The following ALPK2 variants were observed in gnomAD, a reference collection of about 807,000 sequenced individuals.
The protein encoded by ALPK2 is alpha-protein kinase 2.
Under a neutral mutation model 163.1 loss-of-function variants are expected in ALPK2, and 127 were observed. The ratio of observed to expected loss-of-function variants is 0.78; its 90% CI spans 0.67 to 0.90. The LOEUF (loss-of-function observed/expected upper bound fraction) is 0.90, where lower values mean the gene tolerates loss of function less well. Among genes scored for constraint, ALPK2 ranks in the 40% least tolerant of loss-of-function variants. The pLI is 0.00. For synonymous variants in ALPK2, 953 were observed against 959.1 expected, an observed-to-expected ratio of 0.99 and a Z score of 0.12; for missense variants, 2,360 against 2,589.6, an observed-to-expected ratio of 0.91 and a Z score of 1.92.
intron 4 of ALPK2, among the ~76,000 whole-genome samples, chr18:58,576,856 T>TC (rs1296044123): frequency 6.6e-6 from 1 of 152,224 alleles, no homozygotes; most frequent in African/African-American, 2.4e-5. Flanking sequence ...TTTCTGGTTA[T>TC]CCCTTGAGTG....
intron 10 of ALPK2, among the ~76,000 whole-genome samples, chr18:58,513,189 TGTG>T (rs1012937402): frequency 6.0e-5 from 9 of 150,528 alleles, no homozygotes; most frequent in African/African-American, 2.0e-4. Context: ...GTGTTTGTGT[TGTG>T]GGTGTGTTTA....
rs764301194 is a variant in ALPK2 at position 58,535,421 on chromosome 18, C to G, written c.4766G>C (p.Gly1589Ala). 6 of 1,614,044 alleles carry G rather than the reference C, an allele frequency of 3.7e-6. No homozygotes were observed. The African/African-American group carries it at 5.3e-5, about 14-fold the overall frequency. The stretch of plus-strand genomic sequence containing the variant: ...TTTCCCACGCTCATTCTCAATAGTT[C>G]CCCTTTTCTGTGAAACAGGAAACAC... ...QYVFPVSQKR[G>A]TIENERGKPL... Residue 1589 changes from glycine (G) to alanine (A), a missense_variant, in exon 5 of 13, where the codon GGA (glycine) becomes GCA (alanine). Transcript: ENST00000361673.
chr18:58,485,267 T>G (rs527378058), intron 12 of ALPK2, among the ~76,000 whole-genome samples: 6 of 152,198 alleles, frequency 3.9e-5, no homozygotes, highest in Non-Finnish European at 5.9e-5. Context: ...GCTGTTATGA[T>G]TCAAGAAATC....
At chr18:58,547,707 A>C (rs2051725132) in intron 4 of ALPK2, among the ~76,000 whole-genome samples, 1 of 152,186 alleles carries the variant, frequency 6.6e-6, no homozygotes, top group Admixed American at 6.5e-5. Flanking sequence ...TGTTTTACCC[A>C]CACAATGTTG....
intron 5 of ALPK2, among the ~76,000 whole-genome samples, chr18:58,529,629 G>A (rs1403835753): frequency 1.3e-5 from 2 of 152,220 alleles, no homozygotes; most frequent in East Asian, 3.8e-4. Flanking sequence ...GAATTAGGGA[G>A]TAGAATAAAA....
chr18:58,535,403 C>G lies in ALPK2; in HGVS notation c.4784G>C (p.Arg1595Pro), dbSNP rs138737333. The G allele has an allele frequency of 1.2e-6, 2 of 1,614,074 alleles. No homozygotes were observed. The highest frequency in any genetic ancestry group is 1.3e-5 in the African/African-American group (1 of 74,918). The change falls in exon 5 of 13, where the codon CGT becomes CCT. Residue 1595 changes from arginine to proline, a missense_variant. Arg to Pro is a moderately radical substitution (Grantham distance 103). Transcript: ENST00000361673. ...SQKRGTIENE[R>P]GKPLPSSPDL... ...AGGAGAAGAGGGCAAAGGTTTCCCACGCTCATTCTCAATAGTTCCCCTTTT... is the reference window on the plus strand; with the variant it reads ...AGGAGAAGAGGGCAAAGGTTTCCCAGGCTCATTCTCAATAGTTCCCCTTTT...
chr18:58,610,795 A>G lies in ALPK2; in HGVS notation c.109+894T>C, dbSNP rs1008001246. Among the ~76,000 whole-genome samples the G allele has an allele frequency of 7.9e-5, 12 of 151,442 alleles. No individual in the cohort carries two copies. The South Asian group carries it at 1.7e-3, about 21-fold the overall frequency. On this transcript the variant is annotated intron_variant, in intron 2 of 12. Transcript: ENST00000361673. ...CCCTCCCCCCGTCCCTATTAAAAAT[A>G]TAAAAATTAGCCAGGCGAGCCAGCC...
chr18:58,563,226 A>G (rs534219871), intron 4 of ALPK2, among the ~76,000 whole-genome samples: 24 of 152,332 alleles, frequency 1.6e-4, no homozygotes, highest in African/African-American at 5.8e-4. Context: ...CTAACTTTCA[A>G]TATCTGCTCA....
chr18:58,481,705 G>T lies in ALPK2; in HGVS notation c.*118C>A, dbSNP rs1380893129. 1 of 778,944 alleles carries T rather than the reference G, an allele frequency of 1.3e-6. No individual in the cohort carries two copies. Among genetic ancestry groups the T allele is most frequent in the Non-Finnish European group, 2.1e-6 (1 of 466,304 alleles). 48.3% of individuals were successfully genotyped at this position (778,944 alleles called of 1,614,324 possible). On this transcript the variant is annotated 3_prime_UTR_variant, in exon 13 of 13. Coordinates refer to ENST00000361673, the MANE Select transcript of ALPK2 (RefSeq NM_052947.4). ...GAAGCATCTTGGCGCACAGTCGGCT[G>T]GGAGTAAGGATTGCCACGCACTCTC...
At chr18:58,586,935 T>C (rs1399434228) in intron 3 of ALPK2, among the ~76,000 whole-genome samples, 1 of 151,974 alleles carries the variant, frequency 6.6e-6, no homozygotes, top group African/African-American at 2.4e-5. Flanking sequence ...GCCATGCACA[T>C]GCATAAGGCT....
At position 58,578,860 on chromosome 18, in the gene ALPK2, G is replaced by A. The variant is rs767763008; in HGVS notation, c.1916C>T (p.Thr639Ile). The A allele has an allele frequency of 2.1e-5, 34 of 1,613,932 alleles. No individual in the cohort carries two copies. Among genetic ancestry groups the A allele is most frequent in the African/African-American group, 4.0e-5 (3 of 74,834 alleles). Residue 639 changes from threonine to isoleucine, a missense_variant, in exon 4 of 13, where the codon ACT becomes ATT. Thr to Ile is a moderately conservative substitution (Grantham distance 89). Coordinates refer to ENST00000361673, the MANE Select transcript of ALPK2 (RefSeq NM_052947.4). ...NCKGEGMQVN[T>I]LFETSQVPDW... ...TGGAACCTGGCTTGTTTCAAATAGA[G>A]TATTAACTTGCATGCCTTCTCCCTT...
At chr18:58,598,579 G>T (rs1372445962) in intron 3 of ALPK2, among the ~76,000 whole-genome samples, 1 of 152,160 alleles carries the variant, frequency 6.6e-6, no homozygotes, top group African/African-American at 2.4e-5. Flanking sequence ...AGAGACTTAC[G>T]CTGCCAAACT....
chr18:58,579,851 CAT>C lies in ALPK2; in HGVS notation c.923_924del (p.Tyr308Ter). 6.2e-7 allele frequency: 1 copy of C among 1,614,204 alleles called. No individual in the cohort carries two copies. Among genetic ancestry groups the C allele is most frequent in the South Asian group, 1.1e-5 (1 of 91,068 alleles). On this transcript the variant is annotated frameshift_variant, in exon 4 of 13. Transcript: ENST00000361673. LOFTEE classifies it high-confidence loss of function. The part of the protein sequence containing the change: ...QLSSEDSDSD[Y>X]ELCPEITLTY... The stretch of plus-strand genomic sequence containing the variant: ...GTTAGGGTTATCTCTGGGCAAAGTT[CAT>C]AGTCACTGTCAGAGTCTTCACTGGA...
At chr18:58,546,535 G>A (rs1187574538) in intron 4 of ALPK2, among the ~76,000 whole-genome samples, 1 of 152,172 alleles carries the variant, frequency 6.6e-6, no homozygotes, top group Non-Finnish European at 1.5e-5. Flanking sequence ...AATCCCTACA[G>A]CCTTTTTAAC....
At chr18:58,526,211 G>A (rs900336184) in intron 6 of ALPK2, among the ~76,000 whole-genome samples, 1 of 152,206 alleles carries the variant, frequency 6.6e-6, no homozygotes, top group Non-Finnish European at 1.5e-5. Flanking sequence ...GCAGACAAAT[G>A]CAAAAGAAGC....
Position 58,551,051 on chromosome 18 carries a change from C to T in ALPK2, c.1963-12827G>A, listed in dbSNP as rs1162511803. Among the ~76,000 whole-genome samples the T allele has an allele frequency of 2.6e-5, 4 of 151,892 alleles. No homozygotes were observed. The South Asian group carries it at 6.2e-4, about 24-fold the overall frequency. On this transcript the variant is annotated intron_variant, in intron 4 of 12. Coordinates refer to ENST00000361673, the MANE Select transcript of ALPK2 (RefSeq NM_052947.4). ...CTTCACCTTATCACCATCTCACCCC[C>T]GAGATGGAGGTAACCCTAGTTTCCT... is the stretch of plus-strand genomic sequence containing the variant.
At chr18:58,604,928 C>A (rs1433779830) in intron 3 of ALPK2, among the ~76,000 whole-genome samples, 2 of 152,190 alleles carry the variant, frequency 1.3e-5, no homozygotes, top group Non-Finnish European at 1.5e-5. Flanking sequence ...GCTTCTTATT[C>A]CTCCATTCAT....
At chr18:58,624,807 C>T (rs1473263707) in intron 1 of ALPK2, among the ~76,000 whole-genome samples, 2 of 152,208 alleles carry the variant, frequency 1.3e-5, no homozygotes, top group African/African-American at 4.8e-5. Context: ...CATTGGCCCA[C>T]AGTGCCTGAA....
At position 58,515,000 on chromosome 18, in the gene ALPK2, C is replaced by CTT. The variant is rs1294050391; in HGVS notation, c.6020_6021dup (p.Val2008LysfsTer27). 1 of 1,612,038 alleles carries CTT rather than the reference C, an allele frequency of 6.2e-7. No individual in the cohort carries two copies. The highest frequency in any genetic ancestry group is 8.5e-7 in the Non-Finnish European group (1 of 1,178,948). On this transcript the variant is annotated frameshift_variant, in exon 10 of 13. Coordinates refer to ENST00000361673, the MANE Select transcript of ALPK2 (RefSeq NM_052947.4). ...CAGGGTAAACACACTTACTCAGGTA[C>CTT]TTCTCCAAAGCCTTCCAGAGGCTGT...
Sources: allele counts gnomAD v4.1 joint callset (sites outside exome capture counted in the v4.1 genomes callset), GRCh38; gene constraint gnomAD v4.1.1; transcripts MANE v1.5; gene names NCBI Gene and HGNC (gene_info 2026-07-23, HGNC 2026-07-21).